The following DNAJC16 variants were observed in gnomAD, a reference collection of about 807,000 sequenced individuals.
The protein encoded by DNAJC16 is dnaJ homolog subfamily C member 16.
DNAJC16 carries 76 observed loss-of-function variants against 92.7 expected under a neutral mutation model. The ratio of observed to expected loss-of-function variants is 0.82; its 90% CI spans 0.68 to 0.99. DNAJC16 has a LOEUF of 0.99. Ranked by LOEUF, DNAJC16 falls within the 50% of genes least tolerant of loss-of-function variation. The probability of loss-of-function intolerance (pLI) is 0.00; values close to 1 mark genes in which losing one functional copy is unlikely to be tolerated. For synonymous variants in DNAJC16, 328 were observed against 358.7 expected (o/e 0.91, Z 0.97); for missense variants, 869 against 942.4 (o/e 0.92, Z 1.02).
At chr1:15,546,668 C>A in intron 5 of DNAJC16, 99 bp from the exon 6 acceptor site, 1 of 947,580 alleles carries the variant, frequency 1.1e-6, no homozygotes, top group South Asian at 1.7e-5. Context: ...TTTTTGCAAT[C>A]TTTTACACTT....
intron 3 of DNAJC16, among the ~76,000 whole-genome samples, chr1:15,536,269 G>GAGACA (rs1267716669): frequency 9.2e-5 from 14 of 151,544 alleles, no homozygotes; most frequent in African/African-American, 3.4e-4. Flanking sequence ...TAGTAGAGAC[G>GAGACA]GGGTTTCTCC....
chr1:15,544,249 C>A, intron 4 of DNAJC16, 150 bp from the exon 5 acceptor site: 2 of 708,768 alleles, frequency 2.8e-6, no homozygotes, highest in Non-Finnish European at 4.4e-6. Flanking sequence ...ATCTAGAATT[C>A]CAGCAGTGAA....
chr1:15,559,657 G>T lies in DNAJC16; in HGVS notation c.1154+1G>T. On this transcript the variant is annotated splice_donor_variant, in intron 8 of 14. Transcript: ENST00000375847. LOFTEE classifies it high-confidence loss of function. ...TGAAACGGTCGCATCGACAGAGGAA[G>T]TAAGGACTTAAGGCTTTGCCTCTGC... 6.2e-7 allele frequency: 1 copy of T among 1,613,912 alleles called. No homozygotes were observed. The highest frequency in any genetic ancestry group is 8.5e-7 in the Non-Finnish European group (1 of 1,179,874).
At chr1:15,554,204 A>G (rs1017886856) in intron 7 of DNAJC16, among the ~76,000 whole-genome samples, 1 of 145,562 alleles carries the variant, frequency 6.9e-6, no homozygotes, top group African/African-American at 2.6e-5. Context: ...CCCTGTCTCA[A>G]AAAAAAAAAA....
At chr1:15,533,520 C>T (rs746918511) in intron 2 of DNAJC16, among the ~76,000 whole-genome samples, 4 of 152,016 alleles carry the variant, frequency 2.6e-5, no homozygotes, top group Non-Finnish European at 4.4e-5. Context: ...CCCAGCTACT[C>T]GGGAGGCTGA....
intron 4 of DNAJC16, among the ~76,000 whole-genome samples, chr1:15,541,695 G>C (rs1710934347): frequency 6.6e-6 from 1 of 152,168 alleles, no homozygotes; most frequent in African/African-American, 2.4e-5. Context: ...GCACAAAGAT[G>C]TATGCACAAA....
In DNAJC16 at chr1:15,568,826, A is replaced by G; in HGVS notation, c.*649A>G. ...GAGTTCTGCATGTGAGTTCTCAAGA[A>G]AAGGAAAGGGAGGCTGAGCAGTGGC... is the stretch of plus-strand genomic sequence containing the variant. On this transcript the variant is annotated 3_prime_UTR_variant, in exon 15 of 15. Coordinates refer to ENST00000375847, the MANE Select transcript of DNAJC16 (RefSeq NM_015291.4). 3 of 397,778 alleles carry G rather than the reference A, an allele frequency of 7.5e-6. No individual in the cohort carries two copies. The highest frequency in any genetic ancestry group is 1.3e-5 in the Non-Finnish European group (3 of 225,772). The allele number at this position is 397,778 out of a possible 1,614,324, so 24.6% of individuals were successfully genotyped here. A position where few individuals can be genotyped will look rare whatever the true frequency, so the allele number is the denominator to read the frequency against.
chr1:15,542,712 G>A (rs1710960720), intron 4 of DNAJC16, among the ~76,000 whole-genome samples: 1 of 152,210 alleles, frequency 6.6e-6, no homozygotes, highest in Non-Finnish European at 1.5e-5. Context: ...CTTCCTCTGG[G>A]TAGATAGTGT....
chr1:15,561,686 A>G (rs1206970272), intron 8 of DNAJC16, among the ~76,000 whole-genome samples: 1 of 152,012 alleles, frequency 6.6e-6, no homozygotes, highest in African/African-American at 2.4e-5. Flanking sequence ...ACTCCATCTC[A>G]AAAAATAAAA....
chr1:15,555,946 G>C lies in DNAJC16; in HGVS notation c.1024-3580G>C, dbSNP rs188106165. Among the ~76,000 whole-genome samples the C allele has an allele frequency of 9.3e-4, 139 of 149,008 alleles. 1 individual carries two copies. The highest frequency in any genetic ancestry group is 3.3e-3 in the African/African-American group (133 of 40,332). ...GCGGAGGTTGTGATGAGCCACGATC[G>C]TGCCATTGCACTTCAGCCTGGGCAA... On this transcript the variant is annotated intron_variant, in intron 7 of 14. Coordinates refer to ENST00000375847, the MANE Select transcript of DNAJC16 (RefSeq NM_015291.4).
At chr1:15,539,775 C>T (rs1710888267) in intron 4 of DNAJC16, among the ~76,000 whole-genome samples, 1 of 152,194 alleles carries the variant, frequency 6.6e-6, no homozygotes, top group Admixed American at 6.5e-5. Flanking sequence ...CGCCTGTAAT[C>T]ACAGCACTTC....
intron 7 of DNAJC16, among the ~76,000 whole-genome samples, chr1:15,551,851 G>A (rs932899205): frequency 2.0e-5 from 3 of 151,778 alleles, no homozygotes; most frequent in African/African-American, 7.3e-5. Context: ...TGGCCAACAT[G>A]GTGAAACCCC....
At chr1:15,539,243 A>ATT (rs59004062) in intron 4 of DNAJC16, among the ~76,000 whole-genome samples, 4 of 148,230 alleles carry the variant, frequency 2.7e-5, no homozygotes, top group African/African-American at 7.4e-5. Context: ...TTTTTATTTT[A>ATT]TTTTTTTTTT....
chr1:15,546,977 C>CT (rs1638324521), intron 6 of DNAJC16, 106 bp downstream of exon 6: 2 of 811,524 alleles, frequency 2.5e-6, no homozygotes, highest in Non-Finnish European at 3.7e-6. Context: ...GCCTATTTGT[C>CT]TTTTTTGTAA....
At position 15,536,707 on chromosome 1, in the gene DNAJC16, A is replaced by G. The variant is rs767480447; in HGVS notation, c.467A>G (p.Asp156Gly). The stretch of plus-strand genomic sequence containing the variant: ...CATTATGTGAATGAAGTGGTTCCAG[A>G]TAGCTTCAAGAAACCCTACCTCATC... ...FSHYVNEVVP[D>G]SFKKPYLIKI... Residue 156 changes from aspartate (D) to glycine (G), a missense_variant, in exon 4 of 15, where the codon GAT becomes GGT. Coordinates refer to ENST00000375847, the MANE Select transcript of DNAJC16 (RefSeq NM_015291.4). 1.2e-6 allele frequency: 2 copies of G among 1,614,208 alleles called. No individual in the cohort carries two copies. The highest frequency in any genetic ancestry group is 8.5e-7 in the Non-Finnish European group (1 of 1,180,032).
chr1:15,564,548 T>C (rs1393704169), intron 11 of DNAJC16, among the ~76,000 whole-genome samples, 189 bp downstream of exon 11: 1 of 151,154 alleles, frequency 6.6e-6, no homozygotes, highest in Non-Finnish European at 1.5e-5. Flanking sequence ...TTTTTTACTT[T>C]TTTTTTTTTT....
intron 4 of DNAJC16, among the ~76,000 whole-genome samples, chr1:15,539,185 A>G (rs1041885321): frequency 3.3e-5 from 5 of 152,216 alleles, no homozygotes; most frequent in Non-Finnish European, 7.3e-5. Flanking sequence ...CAGAAGCATC[A>G]ATTTATATAA....
chr1:15,555,324 T>A (rs1570921392), intron 7 of DNAJC16, among the ~76,000 whole-genome samples: 2 of 150,388 alleles, frequency 1.3e-5, no homozygotes, highest in Admixed American at 1.3e-4. Context: ...GAGGCGGAGG[T>A]TGCAGTGAGC....
chr1:15,539,857 G>A (rs998564099), intron 4 of DNAJC16, among the ~76,000 whole-genome samples: 2 of 151,898 alleles, frequency 1.3e-5, no homozygotes, highest in South Asian at 2.1e-4. Context: ...GTGAAATCCC[G>A]TCTGTGCTGA....
Sources: gnomAD v4.1 joint callset for allele counts (sites outside exome capture counted in the v4.1 genomes callset) on GRCh38, gnomAD v4.1.1 for gene constraint, MANE v1.5 for transcripts, NCBI Gene and HGNC (gene_info 2026-07-23, HGNC 2026-07-21) for gene names.